The following LRRC4C variants were observed in gnomAD, a reference collection of about 807,000 sequenced individuals.
LRRC4C encodes the protein leucine rich repeat containing 4C.
In LRRC4C, 5 loss-of-function variants were observed where a neutral mutation model predicts 33.6. The observed-to-expected ratio is 0.15, with a 90% CI of 0.08 to 0.31. The LOEUF is 0.31. LRRC4C is among the 10% of genes least tolerant of loss of function. LRRC4C has a pLI of 1.00. For missense variants in LRRC4C, 560 were observed against 796.7 expected (o/e 0.70, Z 3.58); for synonymous variants, 329 against 302.0 (o/e 1.09, Z -0.93).
At chr11:40,577,122 A>T (rs1958225112) in intron 3 of LRRC4C, among the ~76,000 whole-genome samples, 4 of 152,218 alleles carry the variant, frequency 2.6e-5, no homozygotes, top group Admixed American at 2.6e-4. Context: ...TTTTTAAATC[A>T]CAGTGTGATC....
chr11:40,504,917 T>G (rs955048806), intron 3 of LRRC4C, among the ~76,000 whole-genome samples: 1 of 152,162 alleles, frequency 6.6e-6, no homozygotes, highest in Admixed American at 6.6e-5. Context: ...GCATTTTCAG[T>G]CCAGAATTGT....
chr11:40,187,766 A>G (rs540042099), intron 5 of LRRC4C, among the ~76,000 whole-genome samples: 35 of 152,276 alleles, frequency 2.3e-4, no homozygotes, highest in African/African-American at 8.4e-4. Flanking sequence ...GAGGATTCCA[A>G]ATGACTTTCA....
intron 6 of LRRC4C, among the ~76,000 whole-genome samples, chr11:40,136,190 G>T (rs1456697340): frequency 6.6e-6 from 1 of 151,486 alleles, no homozygotes; most frequent in Non-Finnish European, 1.5e-5. Context: ...TGTATGGCTT[G>T]CAAAGCCTAA....
At chr11:40,404,746 C>A (rs1428190236) in intron 3 of LRRC4C, among the ~76,000 whole-genome samples, 2 of 151,906 alleles carry the variant, frequency 1.3e-5, no homozygotes, top group Admixed American at 6.6e-5. Context: ...TGTAGAGCAG[C>A]CTCCCATTAT....
chr11:41,456,544 G>A (rs1050117130), intron 1 of LRRC4C, among the ~76,000 whole-genome samples: 2 of 152,066 alleles, frequency 1.3e-5, no homozygotes, highest in African/African-American at 4.8e-5. Context: ...CCAGAGAAAG[G>A]CCTGACAAAT....
intron 1 of LRRC4C, among the ~76,000 whole-genome samples, chr11:41,436,735 T>TC (rs1955441203): frequency 6.6e-6 from 1 of 152,190 alleles, no homozygotes; most frequent in Admixed American, 6.5e-5. Flanking sequence ...TAAATCATTT[T>TC]GCCTTGCAGA....
In LRRC4C at chr11:41,442,690, C is replaced by T. The variant is rs552438285; in HGVS notation, c.-496+16741G>A. 1.3e-4 allele frequency among the ~76,000 whole-genome samples: 19 copies of T among 151,894 alleles called. No homozygotes were observed. The South Asian group carries it at 2.7e-3, about 22-fold the overall frequency. ...TTCACTGTGTTAGCCAGGATGGTCT[C>T]GATCTCCTGACCTCGTGATCCGCCC... On this transcript the variant is annotated intron_variant, in intron 1 of 6. Coordinates refer to ENST00000528697, the MANE Select transcript of LRRC4C (RefSeq NM_001258419.2).
At chr11:40,399,869 A>G (rs1177112044) in intron 3 of LRRC4C, among the ~76,000 whole-genome samples, 1 of 152,096 alleles carries the variant, frequency 6.6e-6, no homozygotes, top group African/African-American at 2.4e-5. Flanking sequence ...TATAAGAGTA[A>G]AAGAAAACGC....
intron 1 of LRRC4C, among the ~76,000 whole-genome samples, chr11:41,159,119 C>A (rs1944355595): frequency 6.6e-6 from 1 of 151,750 alleles, no homozygotes; most frequent in Non-Finnish European, 1.5e-5. Flanking sequence ...ACCTGCATTT[C>A]TACAAAAATA....
chr11:40,269,777 A>G (rs2136327684), intron 4 of LRRC4C, among the ~76,000 whole-genome samples: 1 of 151,142 alleles, frequency 6.6e-6, no homozygotes, highest in South Asian at 2.1e-4. Flanking sequence ...TTCCAAGAGT[A>G]AAAATCCCTT....
chr11:40,629,838 C>T lies in LRRC4C; in HGVS notation c.-270+18304G>A, dbSNP rs570577980. ...TTATACAAAAATATATATCTTTCTA[C>T]ATAGACATAGAATCTATATTTAAAA... On this transcript the variant is annotated intron_variant, in intron 3 of 6. Coordinates refer to ENST00000528697, the MANE Select transcript of LRRC4C (RefSeq NM_001258419.2). Among the ~76,000 whole-genome samples, 11 of 152,238 alleles carry T rather than the reference C, an allele frequency of 7.2e-5. No homozygotes were observed. The South Asian group carries it at 2.3e-3, about 32-fold the overall frequency.
intron 1 of LRRC4C, among the ~76,000 whole-genome samples, chr11:41,450,364 T>A (rs983954194): frequency 6.6e-6 from 1 of 152,060 alleles, no homozygotes; most frequent in Non-Finnish European, 1.5e-5. Flanking sequence ...TTTAAAAAAA[T>A]GTTATAGCAA....
At chr11:41,107,529 G>A (rs909704491) in intron 1 of LRRC4C, among the ~76,000 whole-genome samples, 1 of 151,934 alleles carries the variant, frequency 6.6e-6, no homozygotes, top group African/African-American at 2.4e-5. Flanking sequence ...TAAAAATGAA[G>A]CAGAAACAAG....
intron 1 of LRRC4C, among the ~76,000 whole-genome samples, chr11:41,209,017 GA>G (rs1565481075): frequency 6.7e-6 from 1 of 150,368 alleles, no homozygotes; most frequent in African/African-American, 2.4e-5. Context: ...AAGAGCAAAC[GA>G]ACAGACATAG....
Position 41,303,150 on chromosome 11 carries a change from C to T in LRRC4C, c.-496+156281G>A, listed in dbSNP as rs568741484. Among the ~76,000 whole-genome samples, 696 of 147,372 alleles carry T rather than the reference C, an allele frequency of 4.7e-3. 5 individuals are homozygous for T. The highest frequency in any genetic ancestry group is 0.016 in the African/African-American group (655 of 40,248). On this transcript the variant is annotated intron_variant, in intron 1 of 6. Transcript: ENST00000528697. ...CCACGGTCTCCCTCTCATGCGGAGC[C>T]GAAGCTGGACTGTACTGCTGCCATC...
chr11:40,619,281 A>T (rs1006221922), intron 3 of LRRC4C, among the ~76,000 whole-genome samples: 2 of 151,758 alleles, frequency 1.3e-5, no homozygotes, highest in African/African-American at 4.8e-5. Context: ...ACTTAATGCA[A>T]TTGTATTATT....
At chr11:41,293,575 T>A (rs529127620) in intron 1 of LRRC4C, among the ~76,000 whole-genome samples, 1 of 152,004 alleles carries the variant, frequency 6.6e-6, no homozygotes, top group East Asian at 1.9e-4. Context: ...TTATTTTATT[T>A]TTTTATTTTA....
chr11:40,303,572 A>T (rs199716311), intron 4 of LRRC4C, among the ~76,000 whole-genome samples: 2 of 152,284 alleles, frequency 1.3e-5, no homozygotes, highest in East Asian at 3.9e-4. Flanking sequence ...GAGTAAGGGC[A>T]TTATAGTGGG....
chr11:41,190,546 C>T (rs1431823827), intron 1 of LRRC4C, among the ~76,000 whole-genome samples: 1 of 152,132 alleles, frequency 6.6e-6, no homozygotes, highest in Non-Finnish European at 1.5e-5. Flanking sequence ...TGTTTCCTTT[C>T]ACTGCATTTA....
Sources: gnomAD v4.1 joint callset for allele counts (sites outside exome capture counted in the v4.1 genomes callset) on GRCh38, gnomAD v4.1.1 for gene constraint, MANE v1.5 for transcripts, NCBI Gene and HGNC (gene_info 2026-07-23, HGNC 2026-07-21) for gene names.